AKAP13: variants seen among roughly 807,000 people sequenced by gnomAD.
AKAP13 encodes A-kinase anchoring protein 13.
AKAP13 carries 80 observed loss-of-function variants against 264.5 expected under a neutral mutation model. The observed-to-expected ratio is 0.30, with a 90% CI of 0.25 to 0.36. The LOEUF (loss-of-function observed/expected upper bound fraction) is 0.36, where lower values mean the gene tolerates loss of function less well. Ranked by LOEUF, AKAP13 falls within the 10% of genes least tolerant of loss-of-function variation. The pLI is 1.00. For synonymous variants in AKAP13, 1,380 were observed against 1,250.2 expected (o/e 1.10, Z -2.19); for missense variants, 3,712 against 3,435.2 (o/e 1.08, Z -2.01).
At chr15:85,660,253 T>C (rs2083279337) in intron 12 of AKAP13, among the ~76,000 whole-genome samples, 1 of 145,946 alleles carries the variant, frequency 6.9e-6, no homozygotes, top group African/African-American at 2.6e-5. Flanking sequence ...CTCAGGAGGC[T>C]GAGGCAGGAG....
At chr15:85,425,715 CA>C (rs35591622) in intron 1 of AKAP13, among the ~76,000 whole-genome samples, 1,706 of 92,680 alleles carry the variant, frequency 0.018, 10 homozygotes, top group East Asian at 0.031. Flanking sequence ...GACTCTGTCT[CA>C]AAAAAAAAAA....
At chr15:85,445,045 C>T (rs1006350873) in intron 1 of AKAP13, among the ~76,000 whole-genome samples, 5 of 151,908 alleles carry the variant, frequency 3.3e-5, no homozygotes, top group Non-Finnish European at 7.4e-5. Flanking sequence ...CCTTCTTTTC[C>T]CTCACCTTCC....
intron 1 of AKAP13, among the ~76,000 whole-genome samples, chr15:85,459,917 T>C (rs2074441855): frequency 6.6e-6 from 1 of 152,240 alleles, no homozygotes; most frequent in African/African-American, 2.4e-5. Flanking sequence ...CCATGCTACC[T>C]TTCAAATATT....
intron 17 of AKAP13, chr15:85,702,263 A>G (rs1055287950): frequency 6.6e-6 from 1 of 152,126 alleles, no homozygotes; most frequent in African/African-American, 2.4e-5. Flanking sequence ...ACACACACAC[A>G]CACACACAAA....
chr15:85,486,569 A>AT (rs1167035707), intron 2 of AKAP13, among the ~76,000 whole-genome samples: 2 of 151,500 alleles, frequency 1.3e-5, no homozygotes, highest in Non-Finnish European at 2.9e-5. Context: ...AGTGTGAGGA[A>AT]TTTTTTCTGG....
rs1359228995 is a variant in AKAP13 at position 85,746,467 on chromosome 15, C to CT, written c.*1791dup. The CT allele has an allele frequency of 6.6e-6, 1 of 152,044 alleles. No homozygotes were observed. The highest frequency in any genetic ancestry group is 1.9e-4 in the East Asian group (1 of 5,166). 9.4% of individuals were successfully genotyped at this position (152,044 alleles called of 1,614,324 possible). A position where few individuals can be genotyped will look rare whatever the true frequency, so the allele number is the denominator to read the frequency against. ...AAAGGGAGGGGGTCCATGTCCTTCCCTCCCCCACCCCGCCTCATTCTTTAA... is the reference window on the plus strand; with the variant it reads ...AAAGGGAGGGGGTCCATGTCCTTCCCTTCCCCCACCCCGCCTCATTCTTTAA... On this transcript the variant is annotated 3_prime_UTR_variant, in exon 37 of 37. Transcript: ENST00000394518.
At chr15:85,522,188 AATCG>A (rs1294231082) in intron 3 of AKAP13, among the ~76,000 whole-genome samples, 1 of 152,152 alleles carries the variant, frequency 6.6e-6, no homozygotes, top group Non-Finnish European at 1.5e-5. Flanking sequence ...ACCTAGGTAT[AATCG>A]ATCAGTCCGT....
At chr15:85,717,673 A>G (rs2087029324) in intron 21 of AKAP13, among the ~76,000 whole-genome samples, 1 of 152,228 alleles carries the variant, frequency 6.6e-6, no homozygotes, top group East Asian at 1.9e-4. Flanking sequence ...TTACATGTAC[A>G]GTTCTAGCTC....
At chr15:85,413,746 G>C (rs1055033307) in intron 1 of AKAP13, among the ~76,000 whole-genome samples, 9 of 152,100 alleles carry the variant, frequency 5.9e-5, no homozygotes, top group Non-Finnish European at 5.9e-5. Flanking sequence ...CACAATAGTT[G>C]TTTCTGCTTG....
intron 8 of AKAP13, among the ~76,000 whole-genome samples, chr15:85,628,648 G>A (rs2081544586): frequency 6.7e-6 from 1 of 149,694 alleles, no homozygotes; most frequent in Non-Finnish European, 1.5e-5. Flanking sequence ...GTAATTGACA[G>A]AGCCAACAAC....
rs2087404161 is a variant in AKAP13, at chr15:85,723,280, T to C, written c.6705T>C (p.Asp2235=). 1 of 1,614,140 alleles carries C rather than the reference T, an allele frequency of 6.2e-7. No individual in the cohort carries two copies. Among genetic ancestry groups the C allele is most frequent in the African/African-American group, 1.3e-5 (1 of 75,040 alleles). The change falls in exon 26 of 37, where the codon GAT becomes GAC. Residue 2235 remains aspartate (D), a synonymous_variant. Coordinates refer to ENST00000394518, the MANE Select transcript of AKAP13 (RefSeq NM_007200.5). ...EDLKRKKLVR[D]GSVFLKNAAG... Reference sequence around the variant, plus strand: ...TGAAACGGAAGAAGCTTGTACGTGATGGGAGTGTGTTTCTGAAGAATGCAG... The same window carrying C: ...TGAAACGGAAGAAGCTTGTACGTGACGGGAGTGTGTTTCTGAAGAATGCAG...
intron 5 of AKAP13, among the ~76,000 whole-genome samples, chr15:85,560,401 C>T (rs757687682): frequency 1.2e-4 from 18 of 152,128 alleles, no homozygotes; most frequent in African/African-American, 4.3e-4. Context: ...CTCACCTCAG[C>T]CTCCCAAAGT....
chr15:85,748,319 T>G lies in AKAP13; in HGVS notation c.*3642T>G, dbSNP rs1256556595. ...TGACCCCAGACACTGCAGAACGATGTGCACCCTCTGCGTTTTGGATGTCCT... is the reference window on the plus strand; with the variant it reads ...TGACCCCAGACACTGCAGAACGATGGGCACCCTCTGCGTTTTGGATGTCCT... On this transcript the variant is annotated 3_prime_UTR_variant, in exon 37 of 37. Transcript: ENST00000394518. The G allele has an allele frequency of 6.6e-6, 1 of 152,206 alleles. No homozygotes were observed. Among genetic ancestry groups the G allele is most frequent in the Non-Finnish European group, 1.5e-5 (1 of 68,082 alleles). 9.4% of individuals were successfully genotyped at this position (152,206 alleles called of 1,614,324 possible). A position where few individuals can be genotyped will look rare whatever the true frequency, so the allele number is the denominator to read the frequency against.
At chr15:85,452,165 A>T (rs1312036927) in intron 1 of AKAP13, among the ~76,000 whole-genome samples, 3 of 145,592 alleles carry the variant, frequency 2.1e-5, no homozygotes, top group African/African-American at 7.6e-5. Flanking sequence ...AATTCTTGTG[A>T]TTGTATTGTG....
intron 1 of AKAP13, among the ~76,000 whole-genome samples, chr15:85,383,049 C>G (rs72752520): frequency 0.01 from 1,522 of 152,200 alleles, 14 homozygotes; most frequent in Middle Eastern, 0.017. Flanking sequence ...CAGCCCCCCC[C>G]TTTTTGTGAA....
intron 6 of AKAP13, 67 bp downstream of exon 6, chr15:85,575,396 C>A (rs892891329): frequency 2.6e-4 from 382 of 1,444,866 alleles, no homozygotes; most frequent in Non-Finnish European, 3.4e-4. Flanking sequence ...TGTGTGTGTC[C>A]CCGCCCTCCT....
In AKAP13 at chr15:85,585,616, C is replaced by A. The variant is rs1014449701; in HGVS notation, c.4040-86C>A. 2.6e-6 allele frequency: 4 copies of A among 1,568,614 alleles called. No homozygotes were observed. The African/African-American group carries it at 5.4e-5, about 21-fold the overall frequency. ...TTTAACGCAAAAGCAAAACAAAACA[C>A]ATGAAACCTGGAGCATGTTGTATGA... On this transcript the variant is annotated intron_variant, in intron 7 of 36. Transcript: ENST00000394518.
intron 4 of AKAP13, chr15:85,535,070 C>T (rs1322364477): frequency 6.6e-6 from 1 of 152,180 alleles, no homozygotes; most frequent in African/African-American, 2.4e-5. Context: ...TCAGTCACAC[C>T]ATTGCCCTGT....
chr15:85,475,862 C>T (rs187631641), intron 1 of AKAP13, among the ~76,000 whole-genome samples: 1 of 152,272 alleles, frequency 6.6e-6, no homozygotes, highest in African/African-American at 2.4e-5. Context: ...CTCTGATGTT[C>T]ATGTCAAACA....
Sources: allele counts gnomAD v4.1 joint callset (sites outside exome capture counted in the v4.1 genomes callset), GRCh38; gene constraint gnomAD v4.1.1; transcripts MANE v1.5; gene names NCBI Gene and HGNC (gene_info 2026-07-23, HGNC 2026-07-21).